RGS6: variants seen among roughly 807,000 people sequenced by gnomAD.
RGS6 encodes regulator of G-protein signaling 6.
In RGS6, 30 loss-of-function variants were observed where a neutral mutation model predicts 78.5. That is an observed-to-expected ratio of 0.38 (90% CI 0.29 to 0.52). The LOEUF is 0.52. Among genes scored for constraint, RGS6 ranks in the 20% least tolerant of loss-of-function variants. The pLI is 0.85. For missense variants in RGS6, 495 were observed against 609.7 expected, an observed-to-expected ratio of 0.81 and a Z score of 1.98; for synonymous variants, 206 against 206.0, an observed-to-expected ratio of 1.00 and a Z score of 0.00.
At chr14:71,954,320 A>G (rs540047474) in intron 1 of RGS6, among the ~76,000 whole-genome samples, 6 of 150,688 alleles carry the variant, frequency 4.0e-5, no homozygotes, top group East Asian at 3.9e-4. Flanking sequence ...AGCTTTTTAT[A>G]TTGTTCTATA....
intron 3 of RGS6, among the ~76,000 whole-genome samples, chr14:72,426,257 C>A (rs906175416): frequency 9.9e-5 from 15 of 152,142 alleles, no homozygotes; most frequent in Non-Finnish European, 1.8e-4. Context: ...TCTTCCATGA[C>A]CGCACTGAGA....
chr14:72,362,275 A>C (rs535443682), intron 3 of RGS6, among the ~76,000 whole-genome samples: 24 of 152,362 alleles, frequency 1.6e-4, no homozygotes, highest in South Asian at 1.2e-3. Flanking sequence ...ATGCTGTTTG[A>C]GTCCAGGAGA....
At chr14:72,578,315 G>A in the RGS6 span, among the ~76,000 whole-genome samples, 2 of 152,166 alleles carry the variant, frequency 1.3e-5, no homozygotes, top group South Asian at 2.1e-4. Context: ...ACCTCCTCAC[G>A]TAAGAGCCTA....
At chr14:72,046,029 C>T (rs904695690) in intron 2 of RGS6, among the ~76,000 whole-genome samples, 8 of 152,018 alleles carry the variant, frequency 5.3e-5, no homozygotes, top group African/African-American at 1.9e-4. Context: ...TAGTGAAGTC[C>T]TCAGAGGTCT....
intron 2 of RGS6, among the ~76,000 whole-genome samples, chr14:72,255,220 G>C (rs149873100): frequency 6.6e-6 from 1 of 152,156 alleles, no homozygotes; most frequent in South Asian, 2.1e-4. Flanking sequence ...GGGGCATAGA[G>C]GCTGTCCCCG....
chr14:71,944,248 A>G (rs2152968896), intron 1 of RGS6, among the ~76,000 whole-genome samples: 1 of 152,294 alleles, frequency 6.6e-6, no homozygotes, highest in African/African-American at 2.4e-5. Flanking sequence ...AACAATCAGC[A>G]TTTGTTAAGC....
At chr14:72,461,948 A>T (rs540998478) in intron 6 of RGS6, among the ~76,000 whole-genome samples, 16 of 152,142 alleles carry the variant, frequency 1.1e-4, no homozygotes, top group Non-Finnish European at 2.2e-4. Flanking sequence ...CTGAGTTAAT[A>T]CGGAGTGGTG....
intron 2 of RGS6, among the ~76,000 whole-genome samples, chr14:71,979,333 C>A (rs1386900988): frequency 1.4e-5 from 2 of 145,436 alleles, no homozygotes; most frequent in African/African-American, 5.1e-5. Flanking sequence ...TCTTGCTTTT[C>A]TAGTTCTTTT....
In RGS6 at chr14:72,133,992, A is replaced by C. The variant is rs917913065; in HGVS notation, c.84+169117A>C. ...CCAACCCAGACATAGCATCTTTCTC[A>C]ACACAGAACTCTAGGCAACTGCTTT... On this transcript the variant is annotated intron_variant, in intron 2 of 17. Transcript: ENST00000553525. 2.0e-5 allele frequency among the ~76,000 whole-genome samples: 3 copies of C among 152,184 alleles called. No individual in the cohort carries two copies. The East Asian group carries it at 5.8e-4, about 29-fold the overall frequency.
At chr14:72,244,056 C>T (rs2053596469) in intron 2 of RGS6, among the ~76,000 whole-genome samples, 1 of 152,176 alleles carries the variant, frequency 6.6e-6, no homozygotes, top group African/African-American at 2.4e-5. Flanking sequence ...AAAGTCCCTG[C>T]AGTCTACCCT....
intron 2 of RGS6, among the ~76,000 whole-genome samples, chr14:72,224,611 C>T (rs2047668333): frequency 6.6e-6 from 1 of 152,132 alleles, no homozygotes; most frequent in Non-Finnish European, 1.5e-5. Flanking sequence ...TTTATGTCTC[C>T]TATGCCTGAA....
intron 7 of RGS6, among the ~76,000 whole-genome samples, chr14:72,469,207 C>T (rs1056835817): frequency 1.4e-5 from 2 of 139,468 alleles, no homozygotes; most frequent in South Asian, 2.3e-4. Flanking sequence ...GTTTGGGGCA[C>T]TTTTTTTTTT....
At chr14:72,483,968 GA>G (rs34125161) in intron 12 of RGS6, among the ~76,000 whole-genome samples, 121 of 145,322 alleles carry the variant, frequency 8.3e-4, no homozygotes, top group Middle Eastern at 3.5e-3. Context: ...TTCTCCAAGT[GA>G]AAAAAAAAAA....
intron 2 of RGS6, among the ~76,000 whole-genome samples, chr14:72,110,066 G>C (rs2095718763): frequency 6.6e-6 from 1 of 152,182 alleles, no homozygotes; most frequent in Non-Finnish European, 1.5e-5. Context: ...TGAATTCTCT[G>C]TTCTTAAAAA....
At chr14:72,382,575 G>A (rs1052685713) in intron 3 of RGS6, among the ~76,000 whole-genome samples, 4 of 152,068 alleles carry the variant, frequency 2.6e-5, no homozygotes, top group Non-Finnish European at 5.9e-5. Flanking sequence ...TTATGACTTG[G>A]CATCTCCACT....
At chr14:71,890,437 T>C in the RGS6 span, among the ~76,000 whole-genome samples, 4 of 151,338 alleles carry the variant, frequency 2.6e-5, no homozygotes, top group East Asian at 1.9e-4. Flanking sequence ...GTACTTCAGC[T>C]CTCCTAACCC....
intron 2 of RGS6, among the ~76,000 whole-genome samples, chr14:72,128,545 AT>A (rs563902872): frequency 0.053 from 7,659 of 145,736 alleles, 208 homozygotes; most frequent in Non-Finnish European, 0.057. Context: ...GATTGTGTTG[AT>A]TTTTTTTTTT....
chr14:71,992,493 C>T (rs892316317), intron 2 of RGS6, among the ~76,000 whole-genome samples: 9 of 152,192 alleles, frequency 5.9e-5, no homozygotes, highest in Admixed American at 6.5e-5. Context: ...TGCCCACAGC[C>T]CTGTGTAGTG....
chr14:72,200,901 G>T (rs545710616), intron 2 of RGS6, among the ~76,000 whole-genome samples: 3 of 151,026 alleles, frequency 2.0e-5, no homozygotes, highest in African/African-American at 7.3e-5. Flanking sequence ...GATGAGGGGG[G>T]TTGGTATGAT....
Sources: allele counts gnomAD v4.1 joint callset (sites outside exome capture counted in the v4.1 genomes callset), GRCh38; gene constraint gnomAD v4.1.1; transcripts MANE v1.5; gene names NCBI Gene and HGNC (gene_info 2026-07-23, HGNC 2026-07-21).